The following ITCH variants were observed in gnomAD, a reference collection of about 807,000 sequenced individuals.
ITCH encodes the protein itchy E3 ubiquitin protein ligase.
Under a neutral mutation model 126.8 loss-of-function variants are expected in ITCH, and 28 were observed. The observed-to-expected ratio is 0.22, with a 90% CI of 0.16 to 0.30. ITCH has a LOEUF of 0.30. Among genes scored for constraint, ITCH ranks in the 10% least tolerant of loss-of-function variants. The pLI is 1.00. For synonymous variants in ITCH, 342 were observed against 340.0 expected, an observed-to-expected ratio of 1.01 and a Z score of -0.06; for missense variants, 631 against 1,032.4, an observed-to-expected ratio of 0.61 and a Z score of 5.33.
In ITCH at chr20:34,408,462, A is replaced by T. The variant is rs530295433; in HGVS notation, c.71-189A>T. 2.6e-5 allele frequency among the ~76,000 whole-genome samples: 4 copies of T among 152,170 alleles called. No homozygotes were observed. In the South Asian group the frequency reaches 8.3e-4, roughly 32 times the overall value. ...GGAATTTGGGTTGATGGTACGGGGAACCTCTATATTTATTTACTAGGATGG... is the reference window on the plus strand; with the variant it reads ...GGAATTTGGGTTGATGGTACGGGGATCCTCTATATTTATTTACTAGGATGG... On this transcript the variant is annotated intron_variant, in intron 3 of 24. Coordinates refer to ENST00000374864, the MANE Select transcript of ITCH (RefSeq NM_031483.7).
intron 12 of ITCH, among the ~76,000 whole-genome samples, chr20:34,450,728 G>T (rs1985091562): frequency 6.6e-6 from 1 of 152,142 alleles, no homozygotes; most frequent in African/African-American, 2.4e-5. Flanking sequence ...TTCAGAAAGT[G>T]ATATTTCTAG....
chr20:34,474,619 C>T (rs1350052766), intron 16 of ITCH, among the ~76,000 whole-genome samples: 1 of 152,222 alleles, frequency 6.6e-6, no homozygotes, highest in Non-Finnish European at 1.5e-5. Flanking sequence ...CACCCTTCCC[C>T]GCTTTCTATT....
chr20:34,397,105 C>T (rs2038705295), intron 3 of ITCH, among the ~76,000 whole-genome samples: 1 of 151,994 alleles, frequency 6.6e-6, no homozygotes, highest in Non-Finnish European at 1.5e-5. Context: ...CTCACTGCAA[C>T]CTCCGCCTCC....
At chr20:34,390,507 AT>A (rs903574005) in intron 2 of ITCH, among the ~76,000 whole-genome samples, 13 of 144,332 alleles carry the variant, frequency 9.0e-5, no homozygotes, top group African/African-American at 3.4e-4. Flanking sequence ...CTGGAGTGCA[AT>A]GGCACGATGT....
intron 12 of ITCH, among the ~76,000 whole-genome samples, chr20:34,452,722 C>T (rs934198332): frequency 5.3e-5 from 8 of 152,126 alleles, no homozygotes; most frequent in Non-Finnish European, 1.2e-4. Context: ...GGCTGGGGTG[C>T]AGTGGCTGTT....
At chr20:34,487,593 A>G (rs1486844732) in intron 20 of ITCH, among the ~76,000 whole-genome samples, 1 of 152,008 alleles carries the variant, frequency 6.6e-6, no homozygotes, top group Non-Finnish European at 1.5e-5. Context: ...GATTATGATA[A>G]TATGCATCTT....
chr20:34,435,029 C>T (rs558697607), intron 7 of ITCH, among the ~76,000 whole-genome samples: 1 of 152,176 alleles, frequency 6.6e-6, no homozygotes, highest in Non-Finnish European at 1.5e-5. Flanking sequence ...TTATTAATTT[C>T]TTTATTCCCA....
chr20:34,392,294 AG>A (rs1275214524), intron 2 of ITCH, among the ~76,000 whole-genome samples: 2 of 152,198 alleles, frequency 1.3e-5, no homozygotes, highest in Non-Finnish European at 2.9e-5. Context: ...TTAAAATAAG[AG>A]GGTTCTTTTA....
intron 18 of ITCH, 56 bp from the exon 19 acceptor site, chr20:34,480,543 A>C: frequency 6.3e-7 from 1 of 1,583,784 alleles, no homozygotes; most frequent in Non-Finnish European, 8.7e-7. Flanking sequence ...TAATATATTG[A>C]AATAAAATGA....
intron 2 of ITCH, among the ~76,000 whole-genome samples, chr20:34,376,456 A>T (rs1266658147): frequency 2.9e-5 from 3 of 104,090 alleles, no homozygotes; most frequent in Non-Finnish European, 5.9e-5. Context: ...TCAAAAATAA[A>T]TACATAAATA....
intron 1 of ITCH, among the ~76,000 whole-genome samples, chr20:34,368,201 C>T (rs897210981): frequency 2.0e-5 from 3 of 150,842 alleles, no homozygotes; most frequent in African/African-American, 7.3e-5. Context: ...ACCTGGGAGG[C>T]GGAGGTTGCA....
chr20:34,400,910 A>G (rs1295226969), intron 3 of ITCH, among the ~76,000 whole-genome samples: 1 of 151,960 alleles, frequency 6.6e-6, no homozygotes, highest in Non-Finnish European at 1.5e-5. Flanking sequence ...GGCATGCACC[A>G]CTGTGCCTGG....
chr20:34,500,917 G>A (rs549770593), intron 23 of ITCH, among the ~76,000 whole-genome samples: 8 of 152,146 alleles, frequency 5.3e-5, no homozygotes, highest in South Asian at 2.1e-4. Flanking sequence ...GTGGGAGTCC[G>A]TTGAGCATTT....
At chr20:34,378,664 T>C (rs187875758) in intron 2 of ITCH, among the ~76,000 whole-genome samples, 1 of 152,242 alleles carries the variant, frequency 6.6e-6, no homozygotes, top group Non-Finnish European at 1.5e-5. Flanking sequence ...AAAGGCACTT[T>C]CCTTTTATTT....
chr20:34,408,456 C>T (rs976800329), intron 3 of ITCH, among the ~76,000 whole-genome samples, 195 bp from the exon 4 acceptor site: 7 of 152,172 alleles, frequency 4.6e-5, no homozygotes, highest in East Asian at 1.9e-4. Flanking sequence ...GTTGATGGTA[C>T]GGGGAACCTC....
intron 22 of ITCH, 78 bp downstream of exon 22, chr20:34,490,004 C>T: frequency 9.9e-7 from 1 of 1,008,834 alleles, no homozygotes. Context: ...GGAAATGAGT[C>T]ACAGGTCAAA....
intron 20 of ITCH, among the ~76,000 whole-genome samples, chr20:34,487,012 G>GT (rs34815799): frequency 0.024 from 2,620 of 107,798 alleles, 204 homozygotes; most frequent in East Asian, 0.16. Flanking sequence ...TATTTGTTAG[G>GT]TTTTTTTTTT....
At position 34,448,462 on chromosome 20, in the gene ITCH, A is replaced by G. The variant is rs1477700528; in HGVS notation, c.1141-949A>G. Reference sequence around the variant, plus strand: ...TACTAAAATATGTAGTAGAGGTGAAATAATGTTTGATTTTCGCTTCAACAA... The same window carrying G: ...TACTAAAATATGTAGTAGAGGTGAAGTAATGTTTGATTTTCGCTTCAACAA... On this transcript the variant is annotated intron_variant, in intron 11 of 24. Transcript: ENST00000374864. 4.6e-5 allele frequency among the ~76,000 whole-genome samples: 7 copies of G among 152,172 alleles called. No individual in the cohort carries two copies. In the South Asian group the frequency reaches 1.4e-3, roughly 31 times the overall value.
At chr20:34,486,535 G>C (rs1017730462) in intron 20 of ITCH, among the ~76,000 whole-genome samples, 1 of 151,478 alleles carries the variant, frequency 6.6e-6, no homozygotes, top group Non-Finnish European at 1.5e-5. Flanking sequence ...CATGTTGGCC[G>C]GGCTTGTCTT....
Sources: gnomAD v4.1 joint callset for allele counts (sites outside exome capture counted in the v4.1 genomes callset) on GRCh38, gnomAD v4.1.1 for gene constraint, MANE v1.5 for transcripts, NCBI Gene and HGNC (gene_info 2026-07-23, HGNC 2026-07-21) for gene names.